Variants in RWDD4 observed in about 807,000 individuals in gnomAD.
RWDD4 encodes the protein RWD domain containing 4, also known as RWD domain-containing protein 4.
A neutral mutation model predicts 30.0 loss-of-function variants in RWDD4; 16 were observed. That is an observed-to-expected ratio of 0.53 (90% confidence interval 0.36 to 0.81). The LOEUF is 0.81. Among genes scored for constraint, RWDD4 ranks in the 30% least tolerant of loss-of-function variants. The pLI, the probability that RWDD4 is intolerant of heterozygous loss-of-function variation, is 0.00. For missense variants in RWDD4, 170 were observed against 223.9 expected (o/e 0.76, Z 1.54); for synonymous variants, 45 against 72.1 (o/e 0.62, Z 1.90).
rs565504890 is a variant in RWDD4, at chr4:183,640,969, G to C, written c.*467C>G. 6.5e-6 allele frequency: 1 copy of C among 152,980 alleles called. No individual in the cohort carries two copies. The highest frequency in any genetic ancestry group is 1.5e-5 in the Non-Finnish European group (1 of 68,404). 9.5% of individuals were successfully genotyped at this position (152,980 alleles called of 1,614,324 possible). Reference sequence around the variant, plus strand: ...TTTAAATTTCTCTGAAGTAATTTACGGTTCAGTAATTAAGCAAAAGAAGAG... The same window carrying C: ...TTTAAATTTCTCTGAAGTAATTTACCGTTCAGTAATTAAGCAAAAGAAGAG... On this transcript the variant is annotated 3_prime_UTR_variant, in exon 8 of 8. Transcript: ENST00000326397.
At chr4:183,644,071 C>T (rs925937397) in intron 7 of RWDD4, among the ~76,000 whole-genome samples, 2 of 151,666 alleles carry the variant, frequency 1.3e-5, no homozygotes, top group Non-Finnish European at 2.9e-5. Context: ...AGGAGGAGCA[C>T]TATCAACACC....
intron 7 of RWDD4, among the ~76,000 whole-genome samples, chr4:183,641,972 A>G (rs1191583177): frequency 6.6e-6 from 1 of 152,104 alleles, no homozygotes; most frequent in East Asian, 1.9e-4. Flanking sequence ...TCTAAGAAAA[A>G]TCTTTGGCAG....
chr4:183,651,808 G>A (rs1193567508), intron 2 of RWDD4, among the ~76,000 whole-genome samples: 2 of 152,132 alleles, frequency 1.3e-5, no homozygotes, highest in African/African-American at 4.8e-5. Flanking sequence ...AAAGGAAAAG[G>A]CAAAGGATAA....
rs778196884 is a variant in RWDD4, at chr4:183,655,830, T to G, written c.105+51A>C. 8 of 1,072,526 alleles carry G rather than the reference T, an allele frequency of 7.5e-6. No homozygotes were observed. The African/African-American group carries it at 1.1e-4, about 15-fold the overall frequency. The allele number at this position is 1,072,526 out of a possible 1,614,324, so 66.4% of individuals were successfully genotyped here. Reference sequence around the variant, plus strand: ...ACAAAATAAGCATTTTTAGCCACTTTCAGTCTTTTCTAGAAAAGTTCTAAG... The same window carrying G: ...ACAAAATAAGCATTTTTAGCCACTTGCAGTCTTTTCTAGAAAAGTTCTAAG... On this transcript the variant is annotated intron_variant, in intron 2 of 7. Coordinates refer to ENST00000326397, the MANE Select transcript of RWDD4 (RefSeq NM_152682.4).
In RWDD4 at chr4:183,651,164, G is replaced by GA. The variant is rs758787748; in HGVS notation, c.216-34dup. On this transcript the variant is annotated intron_variant, in intron 3 of 7. Transcript: ENST00000326397. ...GCACAACAAAAATACCTTGCTGAGA[G>GA]AAAAGTATAACAGAGAGTGAAATGA... The GA allele has an allele frequency of 1.9e-6, 3 of 1,611,798 alleles. No homozygotes were observed. In the African/African-American group the frequency reaches 4.0e-5, roughly 22 times the overall value.
chr4:183,644,596 T>C (rs997937714), intron 7 of RWDD4, among the ~76,000 whole-genome samples: 1 of 151,818 alleles, frequency 6.6e-6, no homozygotes, highest in Non-Finnish European at 1.5e-5. Flanking sequence ...CTGGTCTACA[T>C]GGCGAAAGCC....
chr4:183,648,338 A>G (rs1734005143), intron 5 of RWDD4, among the ~76,000 whole-genome samples: 1 of 152,290 alleles, frequency 6.6e-6, no homozygotes, highest in Non-Finnish European at 1.5e-5. Flanking sequence ...TAGCACACGC[A>G]TAGATACATA....
chr4:183,652,984 A>T (rs1333522849), intron 2 of RWDD4, among the ~76,000 whole-genome samples: 2 of 152,098 alleles, frequency 1.3e-5, no homozygotes, highest in Non-Finnish European at 2.9e-5. Flanking sequence ...TCAGCCTCCC[A>T]AAGTGCTGGG....
intron 5 of RWDD4, among the ~76,000 whole-genome samples, chr4:183,648,735 A>G (rs1290636638): frequency 1.3e-5 from 2 of 152,200 alleles, no homozygotes; most frequent in Non-Finnish European, 2.9e-5. Flanking sequence ...GTTTTTGTAG[A>G]CTATTTAAAT....
At chr4:183,652,495 C>CA (rs1213276960) in intron 2 of RWDD4, among the ~76,000 whole-genome samples, 2 of 121,336 alleles carry the variant, frequency 1.6e-5, no homozygotes, top group Non-Finnish European at 3.4e-5. Context: ...GAGTCTGTGG[C>CA]AAAAGTAAAA....
chr4:183,639,739 C>T lies in RWDD4; in HGVS notation c.*1697G>A, dbSNP rs1339127631. ...TATACTGGGAGTGTTAAACAGATGA[C>T]GGCAATATTGATGAGGCTGTTCAAG... On this transcript the variant is annotated 3_prime_UTR_variant, in exon 8 of 8. Transcript: ENST00000326397. The T allele has an allele frequency of 2.6e-5, 4 of 152,490 alleles. No individual in the cohort carries two copies. The highest frequency in any genetic ancestry group is 4.1e-4 in the South Asian group (2 of 4,834). 9.4% of individuals were successfully genotyped at this position (152,490 alleles called of 1,614,324 possible). A position where few individuals can be genotyped will look rare whatever the true frequency, so the allele number is the denominator to read the frequency against.
chr4:183,652,501 TA>T (rs60632941), intron 2 of RWDD4, among the ~76,000 whole-genome samples: 61,146 of 148,636 alleles, frequency 0.41, 13,042 homozygotes, highest in African/African-American at 0.54. Flanking sequence ...GTGGCAAAAG[TA>T]AAAAAAAATA....
chr4:183,651,256 A>G lies in RWDD4; in HGVS notation c.177T>C (p.Pro59=). Residue 59 remains proline, a synonymous_variant, in exon 3 of 8, where the codon CCT becomes CCC. Coordinates refer to ENST00000326397, the MANE Select transcript of RWDD4 (RefSeq NM_152682.4). ...ISWTETYPQT[P]PILSMNAFFN... The stretch of plus-strand genomic sequence containing the variant: ...AAAAAGCGTTCATAGATAGAATTGG[A>G]GGTGTTTGGGGATATGTTTCTGTCC... 6.2e-7 allele frequency: 1 copy of G among 1,613,278 alleles called. No homozygotes were observed. Among genetic ancestry groups the G allele is most frequent in the Non-Finnish European group, 8.5e-7 (1 of 1,179,930 alleles).
In RWDD4 at chr4:183,646,539, T is replaced by C. The variant is rs1290431306; in HGVS notation, c.482-2A>G. On this transcript the variant is annotated splice_acceptor_variant, in intron 5 of 7. Coordinates refer to ENST00000326397, the MANE Select transcript of RWDD4 (RefSeq NM_152682.4). LOFTEE classifies it high-confidence loss of function. ...CTCGAGGAAGTTCTCCTTTGTGATC[T>C]AGAAGATAAAAAATAGTAACTTTAT... The C allele has an allele frequency of 6.2e-7, 1 of 1,608,614 alleles. No homozygotes were observed. Among genetic ancestry groups the C allele is most frequent in the Non-Finnish European group, 8.5e-7 (1 of 1,178,680 alleles).
intron 5 of RWDD4, among the ~76,000 whole-genome samples, chr4:183,648,248 GAA>G (rs1207009091): frequency 4.4e-4 from 45 of 101,604 alleles, no homozygotes; most frequent in South Asian, 9.7e-4. Context: ...AAAGAAAAAA[GAA>G]AAAAAAAAAA....
chr4:183,644,069 C>T (rs1733919718), intron 7 of RWDD4, among the ~76,000 whole-genome samples: 1 of 151,770 alleles, frequency 6.6e-6, no homozygotes, highest in Non-Finnish European at 1.5e-5. Context: ...GAAGGAGGAG[C>T]ACTATCAACA....
At position 183,639,637 on chromosome 4, in the gene RWDD4, G is replaced by A. The variant is rs67505753; in HGVS notation, c.*1799C>T. On this transcript the variant is annotated 3_prime_UTR_variant, in exon 8 of 8. Coordinates refer to ENST00000326397, the MANE Select transcript of RWDD4 (RefSeq NM_152682.4). ...CTGAAATAAAATGTGTAGAAAAATC[G>A]CTGTGTATAATTCAGACTTTATTGC... 42,923 of 152,408 alleles carry A rather than the reference G, an allele frequency of 0.28. 7,013 individuals carry two copies. Among genetic ancestry groups the A allele is most frequent in the African/African-American group, 0.45 (18,664 of 41,440 alleles). The allele number at this position is 152,408 out of a possible 1,614,324, so 9.4% of individuals were successfully genotyped here.
At position 183,649,502 on chromosome 4, in the gene RWDD4, T is replaced by C; in HGVS notation, c.430A>G (p.Lys144Glu). ...TGGGCTTTTGAAAGTTGTTCTTTTT[T>C]GTCTTTTTTCTTACTTGATGGGGCT... Reference protein sequence around the residue: ...NTAPSSKKKDKKEQLSKAQKR... With the variant: ...NTAPSSKKKDEKEQLSKAQKR... The change falls in exon 5 of 8, where the codon AAA becomes GAA. Residue 144 changes from lysine to glutamate, a missense_variant. By Grantham distance (56) the Lys-to-Glu change is moderately conservative. Coordinates refer to ENST00000326397, the MANE Select transcript of RWDD4 (RefSeq NM_152682.4). The C allele has an allele frequency of 1.2e-6, 2 of 1,613,590 alleles. No homozygotes were observed. Among genetic ancestry groups the C allele is most frequent in the Non-Finnish European group, 1.7e-6 (2 of 1,179,622 alleles).
At chr4:183,646,951 C>T (rs1481002957) in intron 5 of RWDD4, among the ~76,000 whole-genome samples, 1 of 152,154 alleles carries the variant, frequency 6.6e-6, no homozygotes, top group East Asian at 1.9e-4. Context: ...AGAAGCTAGG[C>T]TCAAGACAGG....
Sources: gnomAD v4.1 joint callset for allele counts (sites outside exome capture counted in the v4.1 genomes callset) on GRCh38, gnomAD v4.1.1 for gene constraint, MANE v1.5 for transcripts, NCBI Gene and HGNC (gene_info 2026-07-23, HGNC 2026-07-21) for gene names.